EFHC2: variants seen among roughly 807,000 people sequenced by gnomAD.
The protein encoded by EFHC2 is EF-hand domain containing 2, also known as EF-hand domain-containing family member C2.
Under a neutral mutation model 52.7 loss-of-function variants are expected in EFHC2, and 18 were observed. That is an observed-to-expected ratio of 0.34 (90% confidence interval 0.24 to 0.51). The LOEUF (loss-of-function observed/expected upper bound fraction) is 0.51, where lower values mean the gene tolerates loss of function less well. Ranked by LOEUF, EFHC2 falls within the 20% of genes least tolerant of loss-of-function variation. The pLI is 0.97. For missense variants in EFHC2, 513 were observed against 562.5 expected, an observed-to-expected ratio of 0.91 and a Z score of 0.89; for synonymous variants, 203 against 204.1, an observed-to-expected ratio of 0.99 and a Z score of 0.04.
At chrX:44,292,144 TTG>T (rs1183733898) in intron 2 of EFHC2, among the ~76,000 whole-genome samples, 8 of 111,718 alleles carry the variant, frequency 7.2e-5, no homozygotes, top group Non-Finnish European at 1.1e-4. Context: ...GTGTGTTTTT[TTG>T]TGTGTATATA....
chrX:44,213,613 A>G (rs1256392404), intron 11 of EFHC2, among the ~76,000 whole-genome samples: 1 of 112,467 alleles, frequency 8.9e-6, no homozygotes, highest in East Asian at 2.8e-4. Flanking sequence ...TATTATCTCA[A>G]GATCCTGAAT....
In EFHC2 at chrX:44,187,135, GTA is replaced by G. The variant is rs746801274; in HGVS notation, c.1752-8573_1752-8572del. ...CCATGTCTCAAAGGAAAACAAAATG[GTA>G]TATATATATATATATGGGCTTTACT... On this transcript the variant is annotated intron_variant, in intron 11 of 14. Coordinates refer to ENST00000420999, the MANE Select transcript of EFHC2 (RefSeq NM_025184.4). 3.4e-3 allele frequency among the ~76,000 whole-genome samples: 209 copies of G among 61,649 alleles called. 30 individuals carry two copies. The highest frequency in any genetic ancestry group is 0.016 in the African/African-American group (195 of 12,150). The allele number at this position is 61,649 out of a possible 115,157, so 53.5% of individuals were successfully genotyped here. A position where few individuals can be genotyped will look rare whatever the true frequency, so the allele number is the denominator to read the frequency against.
intron 1 of EFHC2, among the ~76,000 whole-genome samples, chrX:44,317,935 C>T (rs57102830): frequency 1.8e-5 from 2 of 112,182 alleles, no homozygotes; most frequent in African/African-American, 6.5e-5. Flanking sequence ...GGGATGTACA[C>T]TAGTATGGCT....
intron 4 of EFHC2, among the ~76,000 whole-genome samples, chrX:44,254,489 T>C (rs1329329104): frequency 4.5e-5 from 5 of 111,952 alleles, no homozygotes; most frequent in East Asian, 2.8e-4. Context: ...CAAGTATCAA[T>C]AGCTGAATCG....
chrX:44,164,096 A>AT (rs1387487187), intron 13 of EFHC2, 69 bp from the exon 14 acceptor site: 9 of 645,534 alleles, frequency 1.4e-5, no homozygotes, highest in African/African-American at 2.3e-5. Flanking sequence ...GTCAGTTTCA[A>AT]TTTTATCATG....
chrX:44,261,124 T>C lies in EFHC2; in HGVS notation c.557A>G (p.Asn186Ser). 3.3e-6 allele frequency: 4 copies of C among 1,211,375 alleles called. No homozygotes were observed. Among genetic ancestry groups the C allele is most frequent in the Non-Finnish European group, 4.5e-6 (4 of 895,253 alleles). The change falls in exon 4 of 15, where the codon AAT (asparagine) becomes AGT (serine). Residue 186 changes from asparagine to serine, a missense_variant. Physicochemically the swap from Asn to Ser is conservative, Grantham distance 46. Coordinates refer to ENST00000420999, the MANE Select transcript of EFHC2 (RefSeq NM_025184.4). ...NFLRKIGVKVNPPVQCPEDPY... is the reference protein window; with the variant it reads ...NFLRKIGVKVSPPVQCPEDPY... ...ATCTTCTGGACATTGCACTGGGGGA[T>C]TCACTTTGACCCCTATTTTCCTCAA...
At chrX:44,311,229 T>A (rs2037945670) in intron 2 of EFHC2, among the ~76,000 whole-genome samples, 1 of 111,462 alleles carries the variant, frequency 9.0e-6, no homozygotes. Flanking sequence ...AGAAATGGTT[T>A]CCCAGGAAGG....
At chrX:44,218,721 T>A (rs1053650836) in intron 11 of EFHC2, among the ~76,000 whole-genome samples, 2 of 112,307 alleles carry the variant, frequency 1.8e-5, no homozygotes, top group Non-Finnish European at 3.8e-5. Context: ...CATAAAAGAC[T>A]GACAATGTGG....
At chrX:44,256,193 G>A in intron 4 of EFHC2, among the ~76,000 whole-genome samples, 1 of 111,536 alleles carries the variant, frequency 9.0e-6, no homozygotes, top group Non-Finnish European at 1.9e-5. Flanking sequence ...AAGTGAGAAA[G>A]ATCTAAAATC....
chrX:44,257,152 A>G (rs1269567120), intron 4 of EFHC2, among the ~76,000 whole-genome samples: 1 of 111,695 alleles, frequency 9.0e-6, no homozygotes, highest in Non-Finnish European at 1.9e-5. Context: ...CGTATCTCAA[A>G]ATAATAAGAG....
At chrX:44,315,872 G>C (rs914706902) in intron 1 of EFHC2, among the ~76,000 whole-genome samples, 5 of 111,516 alleles carry the variant, frequency 4.5e-5, no homozygotes, top group Non-Finnish European at 7.5e-5. Flanking sequence ...GGGCGAGCTA[G>C]AGTAGAATAT....
intron 2 of EFHC2, among the ~76,000 whole-genome samples, chrX:44,298,314 C>T (rs1005925516): frequency 2.0e-4 from 22 of 111,797 alleles, no homozygotes; most frequent in African/African-American, 6.5e-4. Flanking sequence ...GTCAAAGCTG[C>T]GCCTCAAATC....
chrX:44,295,660 G>A (rs914077808), intron 2 of EFHC2, among the ~76,000 whole-genome samples: 1 of 111,096 alleles, frequency 9.0e-6, no homozygotes, highest in Non-Finnish European at 1.9e-5. Context: ...GAACTAGGAT[G>A]GCAGCAGTGG....
intron 4 of EFHC2, among the ~76,000 whole-genome samples, chrX:44,251,434 C>G (rs1382588843): frequency 4.0e-5 from 4 of 99,783 alleles, no homozygotes; most frequent in African/African-American, 1.4e-4. Flanking sequence ...GCTGTCTCTA[C>G]TAAAAATGCA....
chrX:44,223,966 G>C (rs996328403), intron 11 of EFHC2, among the ~76,000 whole-genome samples: 4 of 111,895 alleles, frequency 3.6e-5, no homozygotes, highest in African/African-American at 1.3e-4. Flanking sequence ...AATTGTCCTA[G>C]ATAAATCAGG....
chrX:44,217,210 G>A (rs1454509440), intron 11 of EFHC2, among the ~76,000 whole-genome samples: 1 of 111,259 alleles, frequency 9.0e-6, no homozygotes. Flanking sequence ...TATCCCGAGA[G>A]ACAGGCAATA....
Position 44,148,232 on chromosome X carries a change from T to TGC in EFHC2, c.*562_*563insGC, listed in dbSNP as rs1311748717. On this transcript the variant is annotated 3_prime_UTR_variant, in exon 15 of 15. Coordinates refer to ENST00000420999, the MANE Select transcript of EFHC2 (RefSeq NM_025184.4). ...TGTTTCCAGTGTGTGTGCACGTGCG[T>TGC]GTGTGTGTGTGTGTGTGTGTGTGTT... 1.9e-5 allele frequency: 2 copies of TGC among 105,692 alleles called. No homozygotes were observed. 8.7% of individuals were successfully genotyped at this position (105,692 alleles called of 1,213,427 possible).
chrX:44,148,589 G>T lies in EFHC2; in HGVS notation c.*206C>A. 1 of 357,471 alleles carries T rather than the reference G, an allele frequency of 2.8e-6. No individual in the cohort carries two copies. Among genetic ancestry groups the T allele is most frequent in the Non-Finnish European group, 4.8e-6 (1 of 209,182 alleles). 29.5% of individuals were successfully genotyped at this position (357,471 alleles called of 1,213,427 possible). Reference sequence around the variant, plus strand: ...AAAAATATTCAACATGTTTTAAGATGGCATTTTAAATAGTAACAGTACGTC... The same window carrying T: ...AAAAATATTCAACATGTTTTAAGATTGCATTTTAAATAGTAACAGTACGTC... On this transcript the variant is annotated 3_prime_UTR_variant, in exon 15 of 15. Coordinates refer to ENST00000420999, the MANE Select transcript of EFHC2 (RefSeq NM_025184.4).
rs1395077106 is a variant in EFHC2, at chrX:44,148,571, T to G, written c.*224A>C. 3.0e-6 allele frequency: 1 copy of G among 331,339 alleles called. No homozygotes were observed. Among genetic ancestry groups the G allele is most frequent in the African/African-American group, 2.7e-5 (1 of 36,479 alleles). 27.3% of individuals were successfully genotyped at this position (331,339 alleles called of 1,213,427 possible). On this transcript the variant is annotated 3_prime_UTR_variant, in exon 15 of 15. Coordinates refer to ENST00000420999, the MANE Select transcript of EFHC2 (RefSeq NM_025184.4). ...ATAAACCATACATATAATAAAAATA[T>G]TCAACATGTTTTAAGATGGCATTTT...
Sources: gnomAD v4.1 joint callset for allele counts (sites outside exome capture counted in the v4.1 genomes callset) on GRCh38, gnomAD v4.1.1 for gene constraint, MANE v1.5 for transcripts, NCBI Gene and HGNC (gene_info 2026-07-23, HGNC 2026-07-21) for gene names.